OSBP: variants seen among roughly 807,000 people sequenced by gnomAD.
The protein encoded by OSBP is oxysterol binding protein.
Under a neutral mutation model 96.6 loss-of-function variants are expected in OSBP, and 32 were observed. The observed-to-expected ratio is 0.33, with a 90% confidence interval of 0.25 to 0.45. The LOEUF (loss-of-function observed/expected upper bound fraction) is 0.45, where lower values mean the gene tolerates loss of function less well. OSBP is among the 20% of genes least tolerant of loss of function. The probability of loss-of-function intolerance (pLI) is 1.00; values close to 1 mark genes in which losing one functional copy is unlikely to be tolerated. For synonymous variants in OSBP, 369 were observed against 389.6 expected (o/e 0.95, Z 0.62); for missense variants, 653 against 1,029.7 (o/e 0.63, Z 5.01).
At chr11:59,594,994 C>G (rs1433169457) in intron 7 of OSBP, 1 of 154,776 alleles carries the variant, frequency 6.5e-6, no homozygotes, top group Non-Finnish European at 1.5e-5. Flanking sequence ...TATTCACTTA[C>G]TCATTCCACA....
intron 7 of OSBP, among the ~76,000 whole-genome samples, chr11:59,598,698 T>G (rs1387169081): frequency 6.6e-6 from 1 of 152,188 alleles, no homozygotes; most frequent in Non-Finnish European, 1.5e-5. Context: ...CAAGCAATTC[T>G]CCTGCATCAC....
At chr11:59,593,913 G>T in intron 8 of OSBP, 97 bp downstream of exon 8, 1 of 1,482,844 alleles carries the variant, frequency 6.7e-7, no homozygotes, top group Admixed American at 2.2e-5. Context: ...GGATGACAGG[G>T]ACTAGAATTT....
chr11:59,609,359 C>G (rs17153982), intron 2 of OSBP, among the ~76,000 whole-genome samples: 1 of 151,992 alleles, frequency 6.6e-6, no homozygotes, highest in African/African-American at 2.4e-5. Context: ...CTTTAAATAG[C>G]TCTCCAATAA....
At chr11:59,593,128 A>C (rs1362115562) in intron 9 of OSBP, among the ~76,000 whole-genome samples, 2 of 152,122 alleles carry the variant, frequency 1.3e-5, no homozygotes, top group Admixed American at 6.5e-5. Context: ...ATAAAGTTTC[A>C]GTGACCTAGA....
rs753163572 is a variant in OSBP, at chr11:59,578,350, G to A, written c.1879-20C>T. ...CGTCACCTGCAAGGGTGGAGAACAG[G>A]GCTTGGCTATATAGAATTCACTGTG... On this transcript the variant is annotated intron_variant, in intron 11 of 13. Coordinates refer to ENST00000263847, the MANE Select transcript of OSBP (RefSeq NM_002556.3). 6.2e-7 allele frequency: 1 copy of A among 1,610,970 alleles called. No homozygotes were observed. The highest frequency in any genetic ancestry group is 2.2e-5 in the East Asian group (1 of 44,858).
intron 1 of OSBP, among the ~76,000 whole-genome samples, chr11:59,611,459 G>C (rs181726193): frequency 6.6e-6 from 1 of 152,120 alleles, no homozygotes; most frequent in Admixed American, 6.6e-5. Flanking sequence ...GCTCCCGACT[G>C]TAACTCAGCC....
At chr11:59,613,030 T>C (rs927829564) in intron 1 of OSBP, among the ~76,000 whole-genome samples, 3 of 152,202 alleles carry the variant, frequency 2.0e-5, no homozygotes, top group Admixed American at 6.5e-5. Context: ...TATAAGAAAC[T>C]GCAGGTTTTG....
intron 1 of OSBP, among the ~76,000 whole-genome samples, chr11:59,613,453 T>C (rs754336782): frequency 5.9e-5 from 9 of 152,202 alleles, no homozygotes; most frequent in Non-Finnish European, 1.3e-4. Context: ...GCCTGGAAAG[T>C]GGATCCGGTA....
intron 9 of OSBP, among the ~76,000 whole-genome samples, chr11:59,592,807 TTTTTTTGAGATAGAGTTTCAC>T (rs1284639445): frequency 6.6e-6 from 1 of 151,934 alleles, no homozygotes; most frequent in African/African-American, 2.4e-5. Flanking sequence ...TCCTTTTTTT[TTTTTTTGAGATAGAGTTTCAC>T]TCTACAGTCC....
chr11:59,598,523 T>C lies in OSBP; in HGVS notation c.1311+1973A>G, dbSNP rs77237983. 6.6e-3 allele frequency among the ~76,000 whole-genome samples: 1,002 copies of C among 152,326 alleles called. 8 individuals are homozygous for C. The highest frequency in any genetic ancestry group is 0.023 in the African/African-American group (938 of 41,574). ...ATTTCTAGCCTTCTCTCCAGCTAACTGTGGCCATATAGCTAAGTTTTAGCC... is the reference window on the plus strand; with the variant it reads ...ATTTCTAGCCTTCTCTCCAGCTAACCGTGGCCATATAGCTAAGTTTTAGCC... On this transcript the variant is annotated intron_variant, in intron 7 of 13. Transcript: ENST00000263847.
intron 3 of OSBP, among the ~76,000 whole-genome samples, chr11:59,602,111 C>T (rs867797382): frequency 6.6e-6 from 1 of 152,174 alleles, no homozygotes; most frequent in Non-Finnish European, 1.5e-5. Flanking sequence ...TAAACCCAGA[C>T]GAAGTATTTG....
chr11:59,581,685 A>G lies in OSBP; in HGVS notation c.1679-131T>C, dbSNP rs1354462469. 3 of 542,474 alleles carry G rather than the reference A, an allele frequency of 5.5e-6. No homozygotes were observed. The East Asian group carries it at 9.0e-5, about 16-fold the overall frequency. The allele number at this position is 542,474 out of a possible 1,614,324, so 33.6% of individuals were successfully genotyped here. A position where few individuals can be genotyped will look rare whatever the true frequency, so the allele number is the denominator to read the frequency against. On this transcript the variant is annotated intron_variant, in intron 9 of 13. Coordinates refer to ENST00000263847, the MANE Select transcript of OSBP (RefSeq NM_002556.3). ...TTTTAGAAATAAAACAATAAATCAA[A>G]AAGGACTTACACTTTCTTAAATGTT...
chr11:59,601,202 T>C (rs1406563503), intron 5 of OSBP, 81 bp downstream of exon 5: 1 of 810,082 alleles, frequency 1.2e-6, no homozygotes, highest in Non-Finnish European at 2.1e-6. Context: ...AACCTTTTGA[T>C]GGTTAAAATA....
intron 9 of OSBP, 140 bp from the exon 10 acceptor site, chr11:59,581,694 ACAC>A: frequency 1.9e-6 from 1 of 528,618 alleles, no homozygotes; most frequent in Non-Finnish European, 3.5e-6. Flanking sequence ...AAAAGGACTT[ACAC>A]TTTCTTAAAT....
At chr11:59,610,300 C>T in intron 2 of OSBP, 81 bp downstream of exon 2, 1 of 1,158,632 alleles carries the variant, frequency 8.6e-7, no homozygotes, top group Non-Finnish European at 1.3e-6. Flanking sequence ...TCAAATGACA[C>T]AGCATAATGA....
At chr11:59,577,571 C>T (rs1860375167) in intron 12 of OSBP, among the ~76,000 whole-genome samples, 1 of 152,202 alleles carries the variant, frequency 6.6e-6, no homozygotes, top group South Asian at 2.1e-4. Context: ...CAGCTCACTG[C>T]AACCTCAAAC....
rs551492583 is a variant in OSBP at position 59,594,182 on chromosome 11, C to T, written c.1385G>A (p.Arg462Gln). 29 of 1,613,978 alleles carry T rather than the reference C, an allele frequency of 1.8e-5. No homozygotes were observed. The East Asian group carries it at 2.5e-4, about 14-fold the overall frequency. The change falls in exon 8 of 14, where the codon CGA becomes CAA. Residue 462 changes from arginine (R) to glutamine (Q), a missense_variant. By Grantham distance (43) the Arg-to-Gln change is conservative. Around this residue, in one of 6 missense-constraint regions of OSBP, gnomAD observed 308 missense variants for 573.1 expected, o/e 0.54. Coordinates refer to ENST00000263847, the MANE Select transcript of OSBP (RefSeq NM_002556.3). ...EDLEYHELLD[R>Q]AAKCENSLEQ... ...TAGAGAATTCTCACATTTTGCAGCT[C>T]GGTCTAACAGCTCATGGTATTCCAG...
At chr11:59,607,642 G>C (rs796679154) in intron 3 of OSBP, among the ~76,000 whole-genome samples, 3 of 152,236 alleles carry the variant, frequency 2.0e-5, no homozygotes, top group African/African-American at 7.2e-5. Flanking sequence ...GCCTTTGAAT[G>C]TTTTTATGCA....
intron 3 of OSBP, among the ~76,000 whole-genome samples, chr11:59,608,133 A>G (rs1457170524): frequency 1.3e-5 from 2 of 150,402 alleles, no homozygotes; most frequent in Admixed American, 6.6e-5. Context: ...ATAAATACAT[A>G]CATACATACA....
Sources: gnomAD v4.1 joint callset for allele counts (sites outside exome capture counted in the v4.1 genomes callset) on GRCh38, gnomAD v4.1.1 for gene constraint, gnomAD v4.1.1 regional missense constraint, MANE v1.5 for transcripts, NCBI Gene and HGNC (gene_info 2026-07-23, HGNC 2026-07-21) for gene names.